Variants in GPR137C observed in about 807,000 individuals in gnomAD.
GPR137C encodes integral membrane protein GPR137C.
GPR137C carries 27 observed loss-of-function variants against 43.4 expected under a neutral mutation model. The observed-to-expected ratio is 0.62, with a 90% CI of 0.46 to 0.86. The LOEUF is 0.86. Among genes scored for constraint, GPR137C ranks in the 40% least tolerant of loss-of-function variants. The probability of loss-of-function intolerance (pLI) is 0.00; values close to 1 mark genes in which losing one functional copy is unlikely to be tolerated. For missense variants in GPR137C, 522 were observed against 534.6 expected (o/e 0.98, Z 0.23); for synonymous variants, 285 against 226.9 (o/e 1.26, Z -2.30).
intron 1 of GPR137C, among the ~76,000 whole-genome samples, chr14:52,591,416 A>C (rs2038782993): frequency 6.6e-6 from 1 of 152,222 alleles, no homozygotes; most frequent in Non-Finnish European, 1.5e-5. Flanking sequence ...ACTGTCTTCC[A>C]CAATGGTTGA....
At chr14:52,558,026 A>G (rs1053814875) in intron 1 of GPR137C, among the ~76,000 whole-genome samples, 6 of 151,852 alleles carry the variant, frequency 4.0e-5, no homozygotes, top group Non-Finnish European at 8.8e-5. Flanking sequence ...CCTACCAGAG[A>G]TTCAGAGAAA....
In GPR137C at chr14:52,636,991, C is replaced by T. The variant is rs565153364; in HGVS notation, c.*1876C>T. The T allele has an allele frequency of 2.6e-5, 4 of 152,202 alleles. No individual in the cohort carries two copies. In the East Asian group the frequency reaches 7.7e-4, roughly 29 times the overall value. 9.4% of individuals were successfully genotyped at this position (152,202 alleles called of 1,614,324 possible). On this transcript the variant is annotated 3_prime_UTR_variant, in exon 7 of 7. Coordinates refer to ENST00000321662, the MANE Select transcript of GPR137C (RefSeq NM_001099652.2). ...GTTGTCTTTGTTAATCCTTGGGGTT[C>T]AAGGTGATAAAGTTTTTCTAGTAAG... is the stretch of plus-strand genomic sequence containing the variant.
chr14:52,631,500 T>TA (rs1447887665), intron 3 of GPR137C, among the ~76,000 whole-genome samples: 1 of 152,104 alleles, frequency 6.6e-6, no homozygotes, highest in Non-Finnish European at 1.5e-5. Flanking sequence ...GACCCCAGGT[T>TA]AAGAATCTCT....
chr14:52,584,193 T>C (rs1456884528), intron 1 of GPR137C, among the ~76,000 whole-genome samples: 1 of 152,342 alleles, frequency 6.6e-6, no homozygotes. Context: ...ATTTGAACTT[T>C]TTATAATGTG....
chr14:52,625,343 G>A (rs938063644), intron 3 of GPR137C, among the ~76,000 whole-genome samples: 12 of 151,392 alleles, frequency 7.9e-5, no homozygotes, highest in Non-Finnish European at 1.2e-4. Context: ...TGAGCCAGGC[G>A]TGGTGGCGCG....
At chr14:52,559,272 A>G (rs1427000536) in intron 1 of GPR137C, among the ~76,000 whole-genome samples, 2 of 152,034 alleles carry the variant, frequency 1.3e-5, no homozygotes, top group African/African-American at 4.8e-5. Flanking sequence ...GCTACCCGGG[A>G]AGAGAGAGAG....
At chr14:52,560,296 T>C (rs1481670665) in intron 1 of GPR137C, among the ~76,000 whole-genome samples, 3 of 152,206 alleles carry the variant, frequency 2.0e-5, no homozygotes, top group Admixed American at 6.5e-5. Context: ...TGGAAAAATA[T>C]ACCCTGAAAA....
chr14:52,616,094 A>G (rs955977255), intron 3 of GPR137C, among the ~76,000 whole-genome samples: 30 of 152,188 alleles, frequency 2.0e-4, no homozygotes, highest in African/African-American at 7.2e-4. Context: ...GCACCTTTCT[A>G]TAATCTTGTA....
intron 1 of GPR137C, among the ~76,000 whole-genome samples, chr14:52,596,243 C>A (rs984868755): frequency 1.3e-5 from 2 of 152,206 alleles, no homozygotes; most frequent in African/African-American, 2.4e-5. Context: ...TCGGCCCCTA[C>A]TGGGAGGTGT....
intron 3 of GPR137C, among the ~76,000 whole-genome samples, chr14:52,618,904 G>A (rs1213026662): frequency 2.0e-5 from 3 of 151,976 alleles, no homozygotes; most frequent in Non-Finnish European, 2.9e-5. Context: ...TAAGCTTTTA[G>A]GCTTATATAT....
At chr14:52,596,784 G>A (rs913774840) in intron 1 of GPR137C, 3 of 378,320 alleles carry the variant, frequency 7.9e-6, no homozygotes. Flanking sequence ...CTTCCCAGGT[G>A]AGGCGACACC....
intron 1 of GPR137C, among the ~76,000 whole-genome samples, chr14:52,580,234 T>C (rs921185860): frequency 2.6e-4 from 40 of 152,248 alleles, no homozygotes; most frequent in African/African-American, 8.9e-4. Context: ...AAATTAGATA[T>C]GGATATTCGA....
intron 1 of GPR137C, among the ~76,000 whole-genome samples, chr14:52,581,353 T>C (rs1182313955): frequency 6.9e-6 from 1 of 144,544 alleles, no homozygotes; most frequent in Non-Finnish European, 1.5e-5. Flanking sequence ...GCCAACATGG[T>C]GAGATGCCTT....
At chr14:52,607,996 G>T (rs80011365) in intron 3 of GPR137C, among the ~76,000 whole-genome samples, 16,432 of 151,878 alleles carry the variant, frequency 0.11, 1,002 homozygotes, top group East Asian at 0.2. Flanking sequence ...TCAGTGTATT[G>T]TGTCTTTACA....
At chr14:52,629,665 G>T (rs1245580730) in intron 3 of GPR137C, among the ~76,000 whole-genome samples, 2 of 152,152 alleles carry the variant, frequency 1.3e-5, no homozygotes, top group African/African-American at 4.8e-5. Flanking sequence ...CAAAGCAGGG[G>T]AGCATTTGTG....
chr14:52,612,663 G>A (rs2039050761), intron 3 of GPR137C: 1 of 249,408 alleles, frequency 4.0e-6, no homozygotes, highest in Non-Finnish European at 6.3e-6. Context: ...CTGGGCTTAT[G>A]TAATTCTCCT....
intron 3 of GPR137C, among the ~76,000 whole-genome samples, chr14:52,602,195 C>G (rs1214099424): frequency 1.3e-5 from 2 of 151,790 alleles, no homozygotes; most frequent in Admixed American, 6.6e-5. Context: ...TGTATAATCA[C>G]TAGACTCATT....
intron 3 of GPR137C, among the ~76,000 whole-genome samples, chr14:52,629,358 T>C (rs1358652850): frequency 6.6e-6 from 1 of 152,120 alleles, no homozygotes; most frequent in Non-Finnish European, 1.5e-5. Flanking sequence ...ATAAACAAAC[T>C]CATATAATCA....
intron 1 of GPR137C, among the ~76,000 whole-genome samples, chr14:52,565,071 A>T (rs992403551): frequency 1.3e-5 from 2 of 152,218 alleles, no homozygotes; most frequent in Non-Finnish European, 2.9e-5. Flanking sequence ...AAAGAGGACA[A>T]TCACATTAAT....
Sources: gnomAD v4.1 joint callset for allele counts (sites outside exome capture counted in the v4.1 genomes callset) on GRCh38, gnomAD v4.1.1 for gene constraint, MANE v1.5 for transcripts, NCBI Gene and HGNC (gene_info 2026-07-23, HGNC 2026-07-21) for gene names.